ZNF594: variants seen among roughly 807,000 people sequenced by gnomAD.
The protein encoded by ZNF594 is zinc finger protein HZF18.
For missense variants in ZNF594, 1,037 were observed against 964.6 expected, an observed-to-expected ratio of 1.08 and a Z score of -0.99; for synonymous variants, 336 against 309.4, an observed-to-expected ratio of 1.09 and a Z score of -0.90.
chr17:5,188,483 T>C (rs1476375876), intron 1 of ZNF594, among the ~76,000 whole-genome samples: 1 of 152,146 alleles, frequency 6.6e-6, no homozygotes, highest in Non-Finnish European at 1.5e-5. Flanking sequence ...TCATTCATTA[T>C]TGAGTAGTAA....
downstream of ZNF594, among the ~76,000 whole-genome samples, chr17:5,176,761 G>GA (rs2074310675): frequency 6.7e-6 from 1 of 149,936 alleles, no homozygotes; most frequent in Non-Finnish European, 1.5e-5. Flanking sequence ...TGTTAGAATA[G>GA]AAAAAAAGAT....
At position 5,179,804 on chromosome 17, in the gene ZNF594, C is replaced by T. The variant is rs565635261; in HGVS notation, c.*2029G>A. On this transcript the variant is annotated 3_prime_UTR_variant, in exon 2 of 2. Transcript: ENST00000575779. The stretch of plus-strand genomic sequence containing the variant: ...GCTGGAATTTTAGTACCTAGGTCTG[C>T]CTACATGGTGCCAGTCAGAAGCATG... 1 of 152,152 alleles carries T rather than the reference C, an allele frequency of 6.6e-6. No individual in the cohort carries two copies. Among genetic ancestry groups the T allele is most frequent in the African/African-American group, 2.4e-5 (1 of 41,506 alleles). The allele number at this position is 152,152 out of a possible 1,614,324, so 9.4% of individuals were successfully genotyped here.
Position 5,183,938 on chromosome 17 carries a change from T to C in ZNF594, c.319A>G (p.Asn107Asp). The change falls in exon 2 of 2, where the codon AAC (asparagine) becomes GAC (aspartate). Residue 107 changes from asparagine (N) to aspartate (D), a missense_variant. By Grantham distance (23) the Asn-to-Asp change is conservative. Coordinates refer to ENST00000575779, the MANE Select transcript of ZNF594 (RefSeq NM_032530.2). ...SSHRYEVSGQ[N>D]FKQKSGLTEH... Reference sequence around the variant, plus strand: ...GTTAATCCTGACTTCTGTTTGAAGTTTTGGCCACTAACCTCATATCTATGG... The same window carrying C: ...GTTAATCCTGACTTCTGTTTGAAGTCTTGGCCACTAACCTCATATCTATGG... 2 of 1,614,014 alleles carry C rather than the reference T, an allele frequency of 1.2e-6. No homozygotes were observed. The highest frequency in any genetic ancestry group is 1.7e-6 in the Non-Finnish European group (2 of 1,180,032).
At chr17:5,189,148 A>C (rs1020768580) in intron 1 of ZNF594, among the ~76,000 whole-genome samples, 1 of 151,798 alleles carries the variant, frequency 6.6e-6, no homozygotes, top group Non-Finnish European at 1.5e-5. Flanking sequence ...GCCTCAGTAT[A>C]CTGCCCAGGC....
chr17:5,182,914 A>C lies in ZNF594; in HGVS notation c.1343T>G (p.Ile448Ser). 1 of 1,613,982 alleles carries C rather than the reference A, an allele frequency of 6.2e-7. No individual in the cohort carries two copies. Among genetic ancestry groups the C allele is most frequent in the Non-Finnish European group, 8.5e-7 (1 of 1,179,972 alleles). The change falls in exon 2 of 2, where the codon ATT becomes AGT. Residue 448 changes from isoleucine to serine, a missense_variant. Transcript: ENST00000575779. ...TCCAGTATGAACACGATGGTGTCTA[A>C]TAAGATCTGAGCTGCCCCTAAAAGA... Reference protein sequence around the residue: ...GKSFRGSSDLIRHHRVHTGEK... With the variant: ...GKSFRGSSDLSRHHRVHTGEK...
chr17:5,178,688 A>C, downstream of ZNF594, among the ~76,000 whole-genome samples: 1 of 152,210 alleles, frequency 6.6e-6, no homozygotes, highest in Non-Finnish European at 1.5e-5. Flanking sequence ...CTACATGTAC[A>C]TAAGTACATG....
At chr17:5,175,672 A>C (rs779179764), downstream of ZNF594, among the ~76,000 whole-genome samples, 1 of 152,074 alleles carries the variant, frequency 6.6e-6, no homozygotes, top group Non-Finnish European at 1.5e-5. Context: ...TTTTGTGCAG[A>C]TCAGGAGATG....
intron 1 of ZNF594, among the ~76,000 whole-genome samples, chr17:5,188,652 C>T (rs1037610836): frequency 1.3e-5 from 2 of 151,978 alleles, no homozygotes; most frequent in African/African-American, 2.4e-5. Flanking sequence ...TCTCCATTAT[C>T]TCAAAGAAAT....
At chr17:5,184,327 T>C (rs2074372575) in intron 1 of ZNF594, 51 bp from the exon 2 acceptor site, 1 of 1,510,876 alleles carries the variant, frequency 6.6e-7, no homozygotes, top group South Asian at 1.3e-5. Context: ...AAATATCATC[T>C]CTTCATTATA....
chr17:5,180,847 GT>G lies in ZNF594; in HGVS notation c.*985del, dbSNP rs1213453246. ...TTCTCTGCTTTCCCACCTTCCCATG[GT>G]TTTTTTCTAATAAAACTCATTTGTA... On this transcript the variant is annotated 3_prime_UTR_variant, in exon 2 of 2. Coordinates refer to ENST00000575779, the MANE Select transcript of ZNF594 (RefSeq NM_032530.2). 4 of 424,324 alleles carry G rather than the reference GT, an allele frequency of 9.4e-6. No individual in the cohort carries two copies. The highest frequency in any genetic ancestry group is 3.7e-5 in the Admixed American group (1 of 27,294). 26.3% of individuals were successfully genotyped at this position (424,324 alleles called of 1,614,324 possible).
chr17:5,175,909 A>C (rs2074303919), downstream of ZNF594, among the ~76,000 whole-genome samples: 1 of 152,210 alleles, frequency 6.6e-6, no homozygotes, highest in African/African-American at 2.4e-5. Context: ...GCTTGTAAGA[A>C]TTAAATGAAG....
Position 5,180,704 on chromosome 17 carries a change from T to G in ZNF594, c.*1129A>C. 1 of 244,082 alleles carries G rather than the reference T, an allele frequency of 4.1e-6. No homozygotes were observed. The highest frequency in any genetic ancestry group is 4.6e-5 in the South Asian group (1 of 21,772). The allele number at this position is 244,082 out of a possible 1,614,324, so 15.1% of individuals were successfully genotyped here. The stretch of plus-strand genomic sequence containing the variant: ...AAAATAAATAATTTAAAAAATTGTA[T>G]CGTTGGGACCATATTCTAGTGTCAG... On this transcript the variant is annotated 3_prime_UTR_variant, in exon 2 of 2. Transcript: ENST00000575779.
At chr17:5,178,232 T>C (rs1238861301), downstream of ZNF594, among the ~76,000 whole-genome samples, 1 of 152,070 alleles carries the variant, frequency 6.6e-6, no homozygotes, top group Non-Finnish European at 1.5e-5. Context: ...AACACATGGA[T>C]ACCAAGTGGG....
chr17:5,189,529 G>A (rs2074408462), intron 1 of ZNF594, among the ~76,000 whole-genome samples: 1 of 151,334 alleles, frequency 6.6e-6, no homozygotes, highest in Admixed American at 6.6e-5. Flanking sequence ...GTGAGCCACT[G>A]TGCCCAGCTT....
chr17:5,179,116 T>C (rs111530465), downstream of ZNF594, among the ~76,000 whole-genome samples: 4,871 of 151,384 alleles, frequency 0.032, 264 homozygotes, highest in African/African-American at 0.11. Context: ...GGCAGGCCTC[T>C]GCCTTGGCCA....
chr17:5,175,304 G>A (rs546860392), downstream of ZNF594, among the ~76,000 whole-genome samples: 57 of 152,262 alleles, frequency 3.7e-4, no homozygotes, highest in African/African-American at 1.2e-3. Context: ...GCAGCGGCAC[G>A]CCATTCTCAC....
rs1281746227 is a variant in ZNF594 at position 5,183,041 on chromosome 17, A to G, written c.1216T>C (p.Cys406Arg). The G allele has an allele frequency of 5.6e-6, 9 of 1,614,050 alleles. No individual in the cohort carries two copies. The South Asian group carries it at 8.8e-5, about 16-fold the overall frequency. ...TTGAAAGTTTTCCCACATTCTTTAC[A>G]TTCATATGGTTTCTCTCCTGTATGA... Reference protein sequence around the residue: ...VTHTGEKPYECKECGKTFNQS... With the variant: ...VTHTGEKPYERKECGKTFNQS... Residue 406 changes from cysteine to arginine, a missense_variant, in exon 2 of 2, where the codon TGT becomes CGT. By Grantham distance (180) the Cys-to-Arg change is radical (BLOSUM62 -3). Coordinates refer to ENST00000575779, the MANE Select transcript of ZNF594 (RefSeq NM_032530.2).
chr17:5,181,451 G>C lies in ZNF594; in HGVS notation c.*382C>G. ...GCTCTCCCCTAAGCTCCTCATCCTTGCTGAAGGTTTTCTCACGTTCTTCAA... is the reference window on the plus strand; with the variant it reads ...GCTCTCCCCTAAGCTCCTCATCCTTCCTGAAGGTTTTCTCACGTTCTTCAA... On this transcript the variant is annotated 3_prime_UTR_variant, in exon 2 of 2. Coordinates refer to ENST00000575779, the MANE Select transcript of ZNF594 (RefSeq NM_032530.2). The C allele has an allele frequency of 4.3e-6, 7 of 1,613,800 alleles. No homozygotes were observed. The highest frequency in any genetic ancestry group is 5.9e-6 in the Non-Finnish European group (7 of 1,179,794).
At chr17:5,175,518 G>C (rs963976038), downstream of ZNF594, among the ~76,000 whole-genome samples, 3 of 152,156 alleles carry the variant, frequency 2.0e-5, no homozygotes, top group African/African-American at 7.2e-5. Context: ...GTAGAGGGTA[G>C]AACAAGATCT....
Sources: gnomAD v4.1 joint callset for allele counts (sites outside exome capture counted in the v4.1 genomes callset) on GRCh38, gnomAD v4.1.1 for gene constraint, MANE v1.5 for transcripts, NCBI Gene and HGNC (gene_info 2026-07-23, HGNC 2026-07-21) for gene names.